SYCP2: variants seen among roughly 807,000 people sequenced by gnomAD.
SYCP2 encodes the protein synaptonemal complex lateral element protein.
In SYCP2, 55 loss-of-function variants were observed where a neutral mutation model predicts 211.3. That is an observed-to-expected ratio of 0.26 (90% CI 0.21 to 0.33). The LOEUF (loss-of-function observed/expected upper bound fraction) is 0.33, where lower values mean the gene tolerates loss of function less well. Among genes scored for constraint, SYCP2 ranks in the 10% least tolerant of loss-of-function variants. SYCP2 has a pLI of 1.00. For missense variants in SYCP2, 1,731 were observed against 1,752.0 expected, an observed-to-expected ratio of 0.99 and a Z score of 0.21; for synonymous variants, 570 against 555.2, an observed-to-expected ratio of 1.03 and a Z score of -0.37.
At chr20:59,879,822 AATATATATATATAT>A (rs1159547809) in intron 31 of SYCP2, among the ~76,000 whole-genome samples, 41 of 51,086 alleles carry the variant, frequency 8.0e-4, no homozygotes, top group African/African-American at 2.2e-3. Context: ...AATATAAATA[AATATATATATATAT>A]ATATATATAT....
chr20:59,914,423 G>GCT (rs1568973835), intron 10 of SYCP2, among the ~76,000 whole-genome samples, 172 bp from the exon 11 acceptor site: 1 of 151,776 alleles, frequency 6.6e-6, no homozygotes, highest in Non-Finnish European at 1.5e-5. Context: ...ATCATTTGAG[G>GCT]AATTAACACA....
chr20:59,864,533 G>T lies in SYCP2; in HGVS notation c.4516-145C>A, dbSNP rs1231209115. ...TCATGAAGATATTGCATTCTAACAG[G>T]TCTACAGATATCCACAGAATTCTGT... On this transcript the variant is annotated intron_variant, in intron 44 of 44. Coordinates refer to ENST00000357552, the MANE Select transcript of SYCP2 (RefSeq NM_014258.4). The T allele has an allele frequency of 1.7e-5, 10 of 592,584 alleles. No homozygotes were observed. The South Asian group carries it at 1.9e-4, about 11-fold the overall frequency. The allele number at this position is 592,584 out of a possible 1,614,324, so 36.7% of individuals were successfully genotyped here. A position where few individuals can be genotyped will look rare whatever the true frequency, so the allele number is the denominator to read the frequency against.
At position 59,863,896 on chromosome 20, in the gene SYCP2, G is replaced by A. The variant is rs920985978; in HGVS notation, c.*415C>T. On this transcript the variant is annotated 3_prime_UTR_variant, in exon 45 of 45. Coordinates refer to ENST00000357552, the MANE Select transcript of SYCP2 (RefSeq NM_014258.4). ...GGACTTCCTCCCCCTTGTAAGTGTG[G>A]CTAAATTTTTATTAGTTGAATTCTA... 6.6e-6 allele frequency: 1 copy of A among 152,076 alleles called. No homozygotes were observed. The highest frequency in any genetic ancestry group is 1.5e-5 in the Non-Finnish European group (1 of 68,120). 9.4% of individuals were successfully genotyped at this position (152,076 alleles called of 1,614,324 possible). A position where few individuals can be genotyped will look rare whatever the true frequency, so the allele number is the denominator to read the frequency against.
At chr20:59,871,334 A>C (rs1190854146) in intron 35 of SYCP2, among the ~76,000 whole-genome samples, 1 of 151,870 alleles carries the variant, frequency 6.6e-6, no homozygotes, top group Non-Finnish European at 1.5e-5. Flanking sequence ...TACTTAGTTA[A>C]AACTGTAGAG....
chr20:59,898,086 C>CTCCA (rs200487087), intron 18 of SYCP2, among the ~76,000 whole-genome samples: 2,960 of 152,216 alleles, frequency 0.019, 42 homozygotes, highest in Middle Eastern at 0.041. Flanking sequence ...CACCACTGCA[C>CTCCA]TCCAGCCTGT....
At chr20:59,921,000 T>A (rs534821032) in intron 4 of SYCP2, among the ~76,000 whole-genome samples, 104 of 151,762 alleles carry the variant, frequency 6.9e-4, no homozygotes, top group African/African-American at 1.4e-3. Context: ...AGGTTTTTTT[T>A]AAAAATCTAT....
chr20:59,881,026 TAAAC>T lies in SYCP2; in HGVS notation c.2715-7_2715-4del. 6.8e-7 allele frequency: 1 copy of T among 1,463,374 alleles called. No homozygotes were observed. The highest frequency in any genetic ancestry group is 1.3e-5 in the South Asian group (1 of 79,330). The allele number at this position is 1,463,374 out of a possible 1,614,324, so 90.6% of individuals were successfully genotyped here. On this transcript the variant is annotated splice_region_variant and splice_polypyrimidine_tract_variant and intron_variant, in intron 29 of 44. Transcript: ENST00000357552. ...CATCATGATTCCTTGGACCTACCCT[TAAAC>T]AAAAATATGTATTAATTAAAAAATA...
At chr20:59,910,444 G>T (rs899696197) in intron 14 of SYCP2, among the ~76,000 whole-genome samples, 5 of 124,252 alleles carry the variant, frequency 4.0e-5, no homozygotes, top group Admixed American at 3.1e-4. Flanking sequence ...GCAGTGGCCC[G>T]ATCTCGGCTC....
At chr20:59,882,191 A>G in intron 26 of SYCP2, 26 bp from the exon 27 acceptor site, 1 of 1,535,032 alleles carries the variant, frequency 6.5e-7, no homozygotes, top group Non-Finnish European at 9.0e-7. Flanking sequence ...TAAAAAAATC[A>G]TTAAATGGCT....
At chr20:59,921,240 A>T in intron 4 of SYCP2, 70 bp downstream of exon 4, 2 of 1,347,422 alleles carry the variant, frequency 1.5e-6, no homozygotes, top group Non-Finnish European at 2.0e-6. Flanking sequence ...TTTCTAATGG[A>T]GTACTTCCTT....
intron 20 of SYCP2, among the ~76,000 whole-genome samples, chr20:59,894,935 T>G (rs1052832479): frequency 2.0e-5 from 3 of 152,062 alleles, no homozygotes; most frequent in Non-Finnish European, 4.4e-5. Context: ...TCATTCTCCA[T>G]ATTTTCTTAA....
intron 2 of SYCP2, among the ~76,000 whole-genome samples, chr20:59,925,492 CAT>C (rs2060618058): frequency 1.3e-5 from 2 of 152,076 alleles, no homozygotes; most frequent in African/African-American, 2.4e-5. Context: ...ACATTATTCA[CAT>C]GTGTGAATAT....
At chr20:59,893,722 A>G (rs6071008) in intron 20 of SYCP2, 129 bp from the exon 21 acceptor site, 13,199 of 576,774 alleles carry the variant, frequency 0.023, 186 homozygotes, top group Middle Eastern at 0.044. Flanking sequence ...CTATTTTTAT[A>G]TATTTCATAA....
intron 20 of SYCP2, among the ~76,000 whole-genome samples, chr20:59,895,130 C>T (rs1299083186): frequency 6.6e-6 from 1 of 152,072 alleles, no homozygotes; most frequent in Non-Finnish European, 1.5e-5. Flanking sequence ...CATTCCTATA[C>T]CAGAGTCTTC....
chr20:59,864,256 TCA>T lies in SYCP2; in HGVS notation c.*53_*54del. Reference sequence around the variant, plus strand: ...TCTTTGTAGGACTATTCTTATTTCCTCAGTTATATACAGAGAATAATAATTAG... The same window carrying T: ...TCTTTGTAGGACTATTCTTATTTCCTGTTATATACAGAGAATAATAATTAG... On this transcript the variant is annotated 3_prime_UTR_variant, in exon 45 of 45. Transcript: ENST00000357552. The T allele has an allele frequency of 8.1e-7, 1 of 1,234,706 alleles. No homozygotes were observed. The highest frequency in any genetic ancestry group is 1.1e-6 in the Non-Finnish European group (1 of 872,862). The allele number at this position is 1,234,706 out of a possible 1,614,324, so 76.5% of individuals were successfully genotyped here. A position where few individuals can be genotyped will look rare whatever the true frequency, so the allele number is the denominator to read the frequency against.
At chr20:59,903,646 G>T (rs898170586) in intron 15 of SYCP2, among the ~76,000 whole-genome samples, 1 of 152,142 alleles carries the variant, frequency 6.6e-6, no homozygotes, top group Non-Finnish European at 1.5e-5. Flanking sequence ...CAGATACAAA[G>T]ATGTTTGGAG....
intron 3 of SYCP2, among the ~76,000 whole-genome samples, chr20:59,921,834 G>A (rs2060547277): frequency 6.6e-6 from 1 of 151,306 alleles, no homozygotes; most frequent in Non-Finnish European, 1.5e-5. Flanking sequence ...GGTTGAAATA[G>A]TAAAGAAAAA....
At position 59,921,241 on chromosome 20, in the gene SYCP2, G is replaced by A; in HGVS notation, c.168+69C>T. On this transcript the variant is annotated intron_variant, in intron 4 of 44. Transcript: ENST00000357552. ...AGCCTATTCATTTTTTTCTAATGGA[G>A]TACTTCCTTCTAAAACTAGAGTTCT... 5.1e-6 allele frequency: 7 copies of A among 1,364,870 alleles called. No homozygotes were observed. The South Asian group carries it at 1.0e-4, about 20-fold the overall frequency. The allele number at this position is 1,364,870 out of a possible 1,614,324, so 84.5% of individuals were successfully genotyped here.
chr20:59,927,520 C>T (rs1318806391), intron 2 of SYCP2, among the ~76,000 whole-genome samples: 1 of 152,030 alleles, frequency 6.6e-6, no homozygotes, highest in African/African-American at 2.4e-5. Flanking sequence ...CCAGGGTCAA[C>T]ATCTAAAGTT....
Sources: gnomAD v4.1 joint callset for allele counts (sites outside exome capture counted in the v4.1 genomes callset) on GRCh38, gnomAD v4.1.1 for gene constraint, MANE v1.5 for transcripts, NCBI Gene and HGNC (gene_info 2026-07-23, HGNC 2026-07-21) for gene names.